B3GALT1: variants seen among roughly 807,000 people sequenced by gnomAD.
B3GALT1 encodes UDP-Gal:betaGlcNAc beta 1,3-galactosyltransferase, polypeptide 1.
Under a neutral mutation model 23.2 loss-of-function variants are expected in B3GALT1, and 10 were observed. The ratio of observed to expected loss-of-function variants is 0.43; its 90% CI spans 0.27 to 0.73. The LOEUF (loss-of-function observed/expected upper bound fraction) is 0.73. Ranked by LOEUF, B3GALT1 falls within the 30% of genes least tolerant of loss-of-function variation. B3GALT1 has a pLI of 0.21. For synonymous variants in B3GALT1, 156 were observed against 141.5 expected, an observed-to-expected ratio of 1.10 and a Z score of -0.73; for missense variants, 299 against 405.4, an observed-to-expected ratio of 0.74 and a Z score of 2.25.
chr2:167,651,597 A>G (rs1685870937), intron 3 of B3GALT1, among the ~76,000 whole-genome samples: 1 of 152,126 alleles, frequency 6.6e-6, no homozygotes, highest in Admixed American at 6.6e-5. Context: ...TTTATTGAAC[A>G]CCTACTATGT....
At chr2:167,785,177 C>T (rs1688320519) in intron 3 of B3GALT1, among the ~76,000 whole-genome samples, 1 of 152,078 alleles carries the variant, frequency 6.6e-6, no homozygotes, top group South Asian at 2.1e-4. Context: ...TAAATCAAGG[C>T]CAAGAATTTT....
chr2:167,649,783 ATTTG>A (rs1041225755), intron 3 of B3GALT1, among the ~76,000 whole-genome samples: 48 of 152,142 alleles, frequency 3.2e-4, no homozygotes, highest in Admixed American at 7.2e-4. Flanking sequence ...AGTTTACCAA[ATTTG>A]TTTATTAGCT....
At chr2:167,666,859 G>T (rs1229265340) in intron 3 of B3GALT1, among the ~76,000 whole-genome samples, 1 of 152,124 alleles carries the variant, frequency 6.6e-6, no homozygotes, top group African/African-American at 2.4e-5. Flanking sequence ...CCTGTGAGAT[G>T]GGTTTACTGA....
chr2:167,529,180 A>G (rs1372017618), intron 2 of B3GALT1, among the ~76,000 whole-genome samples: 1 of 152,004 alleles, frequency 6.6e-6, no homozygotes, highest in Admixed American at 6.6e-5. Flanking sequence ...TGGAACACAT[A>G]CCTTCCTGGT....
chr2:167,438,431 G>A (rs1698821547), intron 1 of B3GALT1, among the ~76,000 whole-genome samples: 2 of 152,220 alleles, frequency 1.3e-5, no homozygotes, highest in Admixed American at 1.3e-4. Flanking sequence ...GTCAAAGGTT[G>A]CTTTTAAAGA....
chr2:167,843,114 T>G (rs1689682950), intron 4 of B3GALT1, among the ~76,000 whole-genome samples: 1 of 152,180 alleles, frequency 6.6e-6, no homozygotes, highest in South Asian at 2.1e-4. Context: ...ATAAGTCCCT[T>G]AACAAATGGT....
chr2:167,717,614 A>G, intron 3 of B3GALT1, among the ~76,000 whole-genome samples: 1 of 152,198 alleles, frequency 6.6e-6, no homozygotes, highest in East Asian at 1.9e-4. Flanking sequence ...TAGTTTATTC[A>G]CTATTATTTG....
At chr2:167,395,250 T>C (rs1392457763) in intron 1 of B3GALT1, among the ~76,000 whole-genome samples, 2 of 152,072 alleles carry the variant, frequency 1.3e-5, no homozygotes, top group Non-Finnish European at 2.9e-5. Flanking sequence ...GTGGTTACTT[T>C]ATAAGGCTAA....
chr2:167,854,956 T>C (rs1248311862), intron 4 of B3GALT1, among the ~76,000 whole-genome samples: 1 of 152,178 alleles, frequency 6.6e-6, no homozygotes, highest in African/African-American at 2.4e-5. Context: ...AAATATACCT[T>C]AAGAGCAACT....
At chr2:167,396,442 A>G (rs1215432491) in intron 1 of B3GALT1, among the ~76,000 whole-genome samples, 1 of 151,146 alleles carries the variant, frequency 6.6e-6, no homozygotes, top group Non-Finnish European at 1.5e-5. Flanking sequence ...ACTATTTAGA[A>G]CTCTCAAAAA....
intron 1 of B3GALT1, among the ~76,000 whole-genome samples, chr2:167,462,608 G>A (rs77890898): frequency 0.015 from 2,213 of 152,170 alleles, 50 homozygotes; most frequent in African/African-American, 0.051. Flanking sequence ...GGCACTGAAG[G>A]GAAGAGAGGA....
At chr2:167,619,054 A>G (rs547787200) in intron 2 of B3GALT1, among the ~76,000 whole-genome samples, 3 of 151,932 alleles carry the variant, frequency 2.0e-5, no homozygotes, top group South Asian at 4.2e-4. Context: ...AATTATTACT[A>G]TGGTAGTTGT....
intron 1 of B3GALT1, among the ~76,000 whole-genome samples, chr2:167,430,533 G>C (rs1698691156): frequency 6.6e-6 from 1 of 152,142 alleles, no homozygotes; most frequent in Non-Finnish European, 1.5e-5. Context: ...TTGTATCATG[G>C]TAGTAGCAGT....
chr2:167,611,673 T>G (rs962509612), intron 2 of B3GALT1, among the ~76,000 whole-genome samples: 1 of 151,998 alleles, frequency 6.6e-6, no homozygotes, highest in East Asian at 1.9e-4. Flanking sequence ...TATTTCTGTG[T>G]ACCAAGCAAT....
At chr2:167,539,907 C>T (rs985534762) in intron 2 of B3GALT1, among the ~76,000 whole-genome samples, 5 of 151,940 alleles carry the variant, frequency 3.3e-5, no homozygotes, top group Non-Finnish European at 7.4e-5. Flanking sequence ...ATAATCAAAT[C>T]AATAATAATT....
chr2:167,305,051 G>A (rs912815495), intron 1 of B3GALT1, among the ~76,000 whole-genome samples: 12 of 152,108 alleles, frequency 7.9e-5, no homozygotes, highest in Non-Finnish European at 1.5e-4. Context: ...TTGTTACTCA[G>A]TCTACAGATT....
At chr2:167,434,585 T>A (rs1396239250) in intron 1 of B3GALT1, among the ~76,000 whole-genome samples, 1 of 151,350 alleles carries the variant, frequency 6.6e-6, no homozygotes, top group Admixed American at 6.6e-5. Flanking sequence ...TACACTTCTG[T>A]GTATTAGGGT....
At chr2:167,598,919 T>A (rs1165870949) in intron 2 of B3GALT1, among the ~76,000 whole-genome samples, 1 of 152,240 alleles carries the variant, frequency 6.6e-6, no homozygotes, top group Non-Finnish European at 1.5e-5. Context: ...TCTTTACTAT[T>A]TTCATTCTAT....
At chr2:167,641,483 G>A (rs191863773) in intron 2 of B3GALT1, among the ~76,000 whole-genome samples, 2 of 152,184 alleles carry the variant, frequency 1.3e-5, no homozygotes, top group African/African-American at 2.4e-5. Context: ...TGACCATATG[G>A]GTATTGTGCA....
Sources: allele counts gnomAD v4.1 joint callset (sites outside exome capture counted in the v4.1 genomes callset), GRCh38; gene constraint gnomAD v4.1.1; transcripts MANE v1.5; gene names NCBI Gene and HGNC (gene_info 2026-07-23, HGNC 2026-07-21).